Variants in TLE6 observed in about 807,000 individuals in gnomAD.
TLE6 encodes TLE family member 6, subcortical maternal complex member.
A neutral mutation model predicts 77.1 loss-of-function variants in TLE6; 72 were observed. The observed-to-expected ratio is 0.93, with a 90% CI of 0.77 to 1.14. TLE6 has a LOEUF of 1.14. Among genes scored for constraint, TLE6 ranks in the 50% most tolerant of loss-of-function variants. The pLI, the probability that TLE6 is intolerant of heterozygous loss-of-function variation, is 0.00. For missense variants in TLE6, 843 were observed against 747.6 expected, an observed-to-expected ratio of 1.13 and a Z score of -1.49; for synonymous variants, 366 against 287.3, an observed-to-expected ratio of 1.27 and a Z score of -2.77.
At chr19:2,982,887 G>A (rs1287375198) in intron 5 of TLE6, among the ~76,000 whole-genome samples, 1 of 152,142 alleles carries the variant, frequency 6.6e-6, no homozygotes, top group East Asian at 1.9e-4. Flanking sequence ...GCACCCGGCT[G>A]TGTTCCCCTG....
chr19:2,986,837 C>T lies in TLE6; in HGVS notation c.231C>T (p.Asn77=), dbSNP rs181851708. 231 of 1,551,704 alleles carry T rather than the reference C, an allele frequency of 1.5e-4. No homozygotes were observed. The highest frequency in any genetic ancestry group is 3.9e-4 in the Admixed American group (20 of 50,984). ...DVAEHHKQIG[N]VLQIVESCSQ... The stretch of plus-strand genomic sequence containing the variant: ...TGCCAACCTCCTTCTAGATAGGAAA[C>T]GTCTTACAGATTGTGGAGAGCTGCA... Residue 77 remains asparagine (N), a synonymous_variant, in exon 6 of 17, where the codon AAC becomes AAT. Coordinates refer to ENST00000246112, the MANE Select transcript of TLE6 (RefSeq NM_001143986.2).
chr19:2,991,413 C>CACAA lies in TLE6; in HGVS notation c.1245-427_1245-426insAACA, dbSNP rs2089058948. Among the ~76,000 whole-genome samples, 2 of 148,088 alleles carry CACAA rather than the reference C, an allele frequency of 1.4e-5. 1 individual carries two copies. The highest frequency in any genetic ancestry group is 4.3e-4 in the South Asian group (2 of 4,656). ...ATATATATACACACACACACACACA[C>CACAA]ACACACACACACATATATATAATAT... On this transcript the variant is annotated intron_variant, in intron 13 of 16. Transcript: ENST00000246112.
chr19:2,993,144 A>G (rs547799993), intron 14 of TLE6, among the ~76,000 whole-genome samples: 8 of 151,828 alleles, frequency 5.3e-5, no homozygotes, highest in African/African-American at 1.7e-4. Context: ...CCCAGGAGGC[A>G]GACGTTGTCG....
chr19:2,989,262 G>A lies in TLE6; in HGVS notation c.942G>A (p.Leu314=), dbSNP rs754404325. 4 of 1,613,772 alleles carry A rather than the reference G, an allele frequency of 2.5e-6. No homozygotes were observed. The Middle Eastern group carries it at 4.9e-4, about 200-fold the overall frequency. The change falls in exon 12 of 17, where the codon CTG becomes CTA. Residue 314 remains leucine (L), a synonymous_variant. Transcript: ENST00000246112. ...CGRRGIKVWS[L]TGQVAEDRFP... Reference sequence around the variant, plus strand: ...GAAGAGGCATCAAGGTGTGGAGCCTGACTGGACAGGTGGCTGAGGACAGGT... The same window carrying A: ...GAAGAGGCATCAAGGTGTGGAGCCTAACTGGACAGGTGGCTGAGGACAGGT...
At chr19:2,982,442 G>A (rs958230819) in intron 5 of TLE6, among the ~76,000 whole-genome samples, 45 of 151,716 alleles carry the variant, frequency 3.0e-4, no homozygotes, top group Non-Finnish European at 5.3e-4. Flanking sequence ...GGAGGCTGAG[G>A]CAGGAGAATT....
At position 2,994,082 on chromosome 19, in the gene TLE6, CA is replaced by C; in HGVS notation, c.1605del (p.Val536CysfsTer?). ...FLGVYSMPAG[T>X]KVFEVPEMSP... The stretch of plus-strand genomic sequence containing the variant: ...GGCGTCTACAGCATGCCGGCGGGGA[CA>C]AAAGTGTTCGAGGTACTGCGGTGGG... On this transcript the variant is annotated frameshift_variant, in exon 16 of 17. Coordinates refer to ENST00000246112, the MANE Select transcript of TLE6 (RefSeq NM_001143986.2). LOFTEE classifies it low-confidence loss of function (END_TRUNC). 6.2e-7 allele frequency: 1 copy of C among 1,601,506 alleles called. No individual in the cohort carries two copies.
intron 5 of TLE6, among the ~76,000 whole-genome samples, chr19:2,983,234 C>T (rs1239780557): frequency 1.3e-5 from 2 of 152,194 alleles, no homozygotes; most frequent in African/African-American, 2.4e-5. Flanking sequence ...CCATCACCTC[C>T]TTGCCAAATA....
At chr19:2,981,313 C>T (rs1471461051) in intron 3 of TLE6, among the ~76,000 whole-genome samples, 1 of 149,444 alleles carries the variant, frequency 6.7e-6, no homozygotes, top group Non-Finnish European at 1.5e-5. Context: ...TGACACTGCA[C>T]TCCAGCCTGG....
rs144947864 is a variant in TLE6, at chr19:2,990,340, C to T, written c.1244+555C>T. Reference sequence around the variant, plus strand: ...TAAATTGGCCGGGCGCAGTGGCTCACGCCTGTACTCCCAGCAGTTAGGGAG... The same window carrying T: ...TAAATTGGCCGGGCGCAGTGGCTCATGCCTGTACTCCCAGCAGTTAGGGAG... On this transcript the variant is annotated intron_variant, in intron 13 of 16. Transcript: ENST00000246112. Among the ~76,000 whole-genome samples the T allele has an allele frequency of 2.1e-3, 320 of 151,660 alleles. 1 individual carries two copies. The highest frequency in any genetic ancestry group is 7.2e-3 in the African/African-American group (298 of 41,462).
chr19:2,982,903 C>CT (rs1338811605), intron 5 of TLE6, among the ~76,000 whole-genome samples: 1 of 152,104 alleles, frequency 6.6e-6, no homozygotes, highest in Non-Finnish European at 1.5e-5. Flanking sequence ...CCCTGCGTGT[C>CT]TGAGTGTTCA....
chr19:2,992,490 G>C (rs2089092101), intron 14 of TLE6, among the ~76,000 whole-genome samples: 1 of 152,046 alleles, frequency 6.6e-6, no homozygotes. Context: ...AATGAGGTTG[G>C]CCAGGCACAG....
At position 2,991,886 on chromosome 19, in the gene TLE6, A is replaced by G; in HGVS notation, c.1288A>G (p.Lys430Glu). ...TGATGGAGTCAAGAGTATCGTGGTC[A>G]AGGGCTACAACATCTGGACTGGGGG... ...YPDGVKSIVVKGYNIWTGGPD... is the reference protein window; with the variant it reads ...YPDGVKSIVVEGYNIWTGGPD... The change falls in exon 14 of 17, where the codon AAG becomes GAG. Residue 430 changes from lysine to glutamate, a missense_variant. Physicochemically the swap from Lys to Glu is moderately conservative, Grantham distance 56. Coordinates refer to ENST00000246112, the MANE Select transcript of TLE6 (RefSeq NM_001143986.2). 1 of 1,613,888 alleles carries G rather than the reference A, an allele frequency of 6.2e-7. No homozygotes were observed. Among genetic ancestry groups the G allele is most frequent in the Non-Finnish European group, 8.5e-7 (1 of 1,179,972 alleles).
At chr19:2,990,462 G>A (rs1255040123) in intron 13 of TLE6, among the ~76,000 whole-genome samples, 1 of 150,680 alleles carries the variant, frequency 6.6e-6, no homozygotes, top group African/African-American at 2.4e-5. Flanking sequence ...AAATTAGCCA[G>A]GCGCGGTGGT....
At chr19:2,990,111 A>G (rs2089011357) in intron 13 of TLE6, among the ~76,000 whole-genome samples, 2 of 152,008 alleles carry the variant, frequency 1.3e-5, no homozygotes, top group Admixed American at 1.3e-4. Context: ...AAAATATAAA[A>G]CAGCAGGCCA....
intron 14 of TLE6, among the ~76,000 whole-genome samples, chr19:2,993,048 AAAAAAC>A (rs2089118375): frequency 6.6e-6 from 1 of 150,436 alleles, no homozygotes; most frequent in South Asian, 2.1e-4. Context: ...AAAAAAAAAA[AAAAAAC>A]AGAATAATTA....
At chr19:2,980,723 G>A (rs2088780743) in intron 3 of TLE6, among the ~76,000 whole-genome samples, 1 of 138,724 alleles carries the variant, frequency 7.2e-6, no homozygotes, top group African/African-American at 2.7e-5. Context: ...AGGCTACAGA[G>A]TGAGACTCGG....
Position 2,989,100 on chromosome 19 carries a change from GC to G in TLE6, c.782del (p.Pro261GlnfsTer54). 6.2e-7 allele frequency: 1 copy of G among 1,614,126 alleles called. No individual in the cohort carries two copies. The highest frequency in any genetic ancestry group is 8.5e-7 in the Non-Finnish European group (1 of 1,180,044). ...PEDFEDAWKR[P>X]DALPGQSKRL... is the part of the protein sequence containing the mutation. ...AGGACTTTGAAGATGCATGGAAGAG[GC>G]CAGATGCCTTGCCCGGGCAGTCAAA... On this transcript the variant is annotated frameshift_variant, in exon 12 of 17. Coordinates refer to ENST00000246112, the MANE Select transcript of TLE6 (RefSeq NM_001143986.2). LOFTEE classifies it high-confidence loss of function.
chr19:2,982,815 G>A (rs1054515168), intron 5 of TLE6, among the ~76,000 whole-genome samples: 6 of 152,236 alleles, frequency 3.9e-5, no homozygotes, highest in African/African-American at 9.6e-5. Flanking sequence ...GGGCCCCTGC[G>A]CAACCTAGAT....
At position 2,980,738 on chromosome 19, in the gene TLE6, TAAA is replaced by T. The variant is rs751491532; in HGVS notation, c.134+574_134+576del. Among the ~76,000 whole-genome samples the T allele has an allele frequency of 6.0e-4, 64 of 106,304 alleles. 1 individual carries two copies. The highest frequency in any genetic ancestry group is 1.7e-3 in the African/African-American group (48 of 28,412). 69.7% of individuals were successfully genotyped at this position (106,304 alleles called of 152,430 possible). A position where few individuals can be genotyped will look rare whatever the true frequency, so the allele number is the denominator to read the frequency against. ...AGGCTACAGAGTGAGACTCGGTCTT[TAAA>T]AAAAAAAAAAAAAAAAAGTACTGCA... On this transcript the variant is annotated intron_variant, in intron 3 of 16. Coordinates refer to ENST00000246112, the MANE Select transcript of TLE6 (RefSeq NM_001143986.2).
Sources: gnomAD v4.1 joint callset for allele counts (sites outside exome capture counted in the v4.1 genomes callset) on GRCh38, gnomAD v4.1.1 for gene constraint, MANE v1.5 for transcripts, NCBI Gene and HGNC (gene_info 2026-07-23, HGNC 2026-07-21) for gene names.